The following VGLL4 variants were observed in gnomAD, a reference collection of about 807,000 sequenced individuals.
VGLL4 encodes the protein vestigial like family member 4, also known as transcription cofactor vestigial-like protein 4.
A neutral mutation model predicts 21.0 loss-of-function variants in VGLL4; 7 were observed. That is an observed-to-expected ratio of 0.33 (90% CI 0.19 to 0.63). The LOEUF (loss-of-function observed/expected upper bound fraction) is 0.63. VGLL4 is among the 20% of genes least tolerant of loss of function. VGLL4 has a pLI of 0.78. For synonymous variants in VGLL4, 222 were observed against 173.2 expected, an observed-to-expected ratio of 1.28 and a Z score of -2.21; for missense variants, 394 against 425.7, an observed-to-expected ratio of 0.93 and a Z score of 0.66.
chr3:11,698,374 T>TA (rs2076633190), intron 2 of VGLL4, among the ~76,000 whole-genome samples: 3 of 151,960 alleles, frequency 2.0e-5, no homozygotes, highest in African/African-American at 7.3e-5. Context: ...CTGGGCGTGG[T>TA]GACACACGCC....
chr3:11,689,428 C>T (rs2076495645), intron 2 of VGLL4, among the ~76,000 whole-genome samples: 2 of 152,180 alleles, frequency 1.3e-5, no homozygotes, highest in Non-Finnish European at 2.9e-5. Context: ...TCAAGCCAAC[C>T]TAGTTAACCT....
intron 2 of VGLL4, among the ~76,000 whole-genome samples, chr3:11,567,054 G>A (rs1474180081): frequency 6.6e-6 from 1 of 152,130 alleles, no homozygotes; most frequent in South Asian, 2.1e-4. Context: ...GAGCTGCTAA[G>A]GGCTGAGCAG....
chr3:11,568,783 G>A lies in VGLL4; in HGVS notation c.273-3764C>T. The A allele has an allele frequency of 1.4e-6, 2 of 1,471,916 alleles. No individual in the cohort carries two copies. Among genetic ancestry groups the A allele is most frequent in the Non-Finnish European group, 1.8e-6 (2 of 1,114,344 alleles). The allele number at this position is 1,471,916 out of a possible 1,614,324, so 91.2% of individuals were successfully genotyped here. On this transcript the variant is annotated intron_variant, in intron 2 of 4. Coordinates refer to ENST00000430365, the MANE Select transcript of VGLL4 (RefSeq NM_001128219.3). The surrounding 1 kb of genome is among the most constrained non-coding windows in gnomAD (Gnocchi z 5.9). Reference sequence around the variant, plus strand: ...TGGAAGTCGCCTCCGCTCCTGGTCAGGACTGTGCCCGAGAGAGCCCACGGC... The same window carrying A: ...TGGAAGTCGCCTCCGCTCCTGGTCAAGACTGTGCCCGAGAGAGCCCACGGC...
intron 2 of VGLL4, among the ~76,000 whole-genome samples, chr3:11,588,289 G>A (rs2074405976): frequency 6.6e-6 from 1 of 152,242 alleles, no homozygotes; most frequent in African/African-American, 2.4e-5. Context: ...GGGACAGACA[G>A]CTGGACACCC....
intron 1 of VGLL4, among the ~76,000 whole-genome samples, chr3:11,629,457 T>C (rs1023387059): frequency 6.6e-6 from 1 of 151,700 alleles, no homozygotes; most frequent in Non-Finnish European, 1.5e-5. Flanking sequence ...GAAAGATACA[T>C]AGAATCCACA....
intron 1 of VGLL4, among the ~76,000 whole-genome samples, chr3:11,638,577 A>G (rs2075631651): frequency 6.6e-6 from 1 of 150,906 alleles, no homozygotes; most frequent in African/African-American, 2.4e-5. Context: ...CCCACTCCCT[A>G]TCCTTTCCTG....
At chr3:11,570,328 C>A (rs1418169697) in intron 2 of VGLL4, among the ~76,000 whole-genome samples, 2 of 152,124 alleles carry the variant, frequency 1.3e-5, no homozygotes, top group Non-Finnish European at 2.9e-5. Context: ...ACCTTCCTGC[C>A]CCAACTGCAG....
At chr3:11,634,803 G>A (rs1386920851) in intron 1 of VGLL4, among the ~76,000 whole-genome samples, 2 of 151,912 alleles carry the variant, frequency 1.3e-5, no homozygotes, top group South Asian at 2.1e-4. Context: ...TCACCCTCCC[G>A]AGTATCTGGG....
chr3:11,682,499 G>C (rs2076391115), intron 2 of VGLL4, among the ~76,000 whole-genome samples: 1 of 151,156 alleles, frequency 6.6e-6, no homozygotes, highest in South Asian at 2.1e-4. Context: ...AATCACTCGA[G>C]CCCAGGAGGT....
At chr3:11,604,377 A>G in intron 1 of VGLL4, 1 of 956,836 alleles carries the variant, frequency 1.0e-6, no homozygotes, top group Non-Finnish European at 1.2e-6. Flanking sequence ...TGGCCTCTGC[A>G]ATCAGACAAC....
At chr3:11,595,285 G>C (rs1461416548) in intron 2 of VGLL4, among the ~76,000 whole-genome samples, 1 of 152,150 alleles carries the variant, frequency 6.6e-6, no homozygotes, top group Non-Finnish European at 1.5e-5. Flanking sequence ...ACCACAATGA[G>C]ATACCATCTC....
At chr3:11,617,759 G>A (rs559593673) in intron 1 of VGLL4, among the ~76,000 whole-genome samples, 10 of 152,192 alleles carry the variant, frequency 6.6e-5, no homozygotes, top group Non-Finnish European at 1.3e-4. Context: ...TTGTTCCCTA[G>A]CTTATCAATA....
intron 2 of VGLL4, among the ~76,000 whole-genome samples, chr3:11,690,657 A>C (rs79580787): frequency 0.031 from 4,755 of 152,224 alleles, 235 homozygotes; most frequent in African/African-American, 0.1. Flanking sequence ...AGAAAAAAAA[A>C]CACATATATG....
rs754975179 is a variant in VGLL4 at position 11,661,457 on chromosome 3, T to TTATTTATC, written c.64+41506_64+41513dup. 6.4e-3 allele frequency among the ~76,000 whole-genome samples: 974 copies of TTATTTATC among 151,304 alleles called. 7 individuals carry two copies. The highest frequency in any genetic ancestry group is 9.4e-3 in the Non-Finnish European group (640 of 67,812). On this transcript the variant is annotated intron_variant, in intron 2 of 5. Transcript: ENST00000273038. Reference sequence around the variant, plus strand: ...TCCTTTTATTTATTTATTTATTTATTTATTTATCTATTTATTTATTTATTT... The same window carrying TTATTTATC: ...TCCTTTTATTTATTTATTTATTTATTTATTTATCTATTTATCTATTTATTTATTTATTT...
Position 11,602,076 on chromosome 3 carries a change from GT to G in VGLL4, c.83-55del. 2.8e-6 allele frequency: 4 copies of G among 1,440,268 alleles called. No individual in the cohort carries two copies. In the South Asian group the frequency reaches 4.6e-5, roughly 17 times the overall value. The allele number at this position is 1,440,268 out of a possible 1,614,324, so 89.2% of individuals were successfully genotyped here. On this transcript the variant is annotated intron_variant, in intron 1 of 4. Transcript: ENST00000430365. ...AAGCAGGAGAAAGGCCCCCATCTCA[GT>G]CCCCCAGGCTCCCCGCCCGCCCAGC... is the stretch of plus-strand genomic sequence containing the variant.
chr3:11,708,164 C>T (rs866040083), intron 1 of VGLL4, among the ~76,000 whole-genome samples: 4 of 152,142 alleles, frequency 2.6e-5, no homozygotes, highest in Non-Finnish European at 5.9e-5. Context: ...CTCCCTCATA[C>T]GGTTTTCTGA....
upstream of VGLL4, among the ~76,000 whole-genome samples, chr3:11,644,578 C>T (rs1419688603): frequency 6.6e-6 from 1 of 151,952 alleles, no homozygotes; most frequent in African/African-American, 2.4e-5. Flanking sequence ...AACGAGGGGG[C>T]CGGGTGTAGT....
chr3:11,629,153 A>G (rs1318722214), intron 1 of VGLL4, among the ~76,000 whole-genome samples: 1 of 152,192 alleles, frequency 6.6e-6, no homozygotes, highest in Non-Finnish European at 1.5e-5. Flanking sequence ...TAAACACACT[A>G]TGATTTTGGT....
intron 1 of VGLL4, among the ~76,000 whole-genome samples, chr3:11,629,908 A>G (rs1261275308): frequency 6.6e-6 from 1 of 152,204 alleles, no homozygotes; most frequent in African/African-American, 2.4e-5. Flanking sequence ...GCTTTATTTT[A>G]ACAGGCCAGT....
Sources: allele counts gnomAD v4.1 joint callset (sites outside exome capture counted in the v4.1 genomes callset), GRCh38; gene constraint gnomAD v4.1.1; non-coding constraint Gnocchi (gnomAD v3.1); transcripts MANE v1.5; gene names NCBI Gene and HGNC (gene_info 2026-07-23, HGNC 2026-07-21).